The following COLEC12 variants were observed in gnomAD, a reference collection of about 807,000 sequenced individuals.
COLEC12 encodes the protein collectin-12.
COLEC12 carries 33 observed loss-of-function variants against 71.1 expected under a neutral mutation model. The observed-to-expected ratio is 0.46, with a 90% CI of 0.35 to 0.62. COLEC12 has a LOEUF of 0.62. Among genes scored for constraint, COLEC12 ranks in the 20% least tolerant of loss-of-function variants. COLEC12 has a pLI of 0.00. For synonymous variants in COLEC12, 350 were observed against 353.0 expected, an observed-to-expected ratio of 0.99 and a Z score of 0.10; for missense variants, 765 against 916.1, an observed-to-expected ratio of 0.84 and a Z score of 2.13.
intron 2 of COLEC12, among the ~76,000 whole-genome samples, chr18:407,002 G>T (rs1269545494): frequency 6.6e-6 from 1 of 152,234 alleles, no homozygotes. Flanking sequence ...CTGTTAGCAA[G>T]GTCCTGTGTT....
chr18:337,575 G>A (rs933601631), intron 5 of COLEC12, among the ~76,000 whole-genome samples: 1 of 152,202 alleles, frequency 6.6e-6, no homozygotes, highest in African/African-American at 2.4e-5. Flanking sequence ...ATTCTTTCTA[G>A]TGTTATCTGC....
chr18:349,812 GAACTT>G (rs1914469017), intron 3 of COLEC12, among the ~76,000 whole-genome samples: 2 of 152,210 alleles, frequency 1.3e-5, no homozygotes, highest in African/African-American at 4.8e-5. Flanking sequence ...TGCTGACTTT[GAACTT>G]GCATGGGGCC....
At chr18:384,038 C>A (rs1257141125) in intron 2 of COLEC12, among the ~76,000 whole-genome samples, 2 of 152,218 alleles carry the variant, frequency 1.3e-5, no homozygotes, top group Non-Finnish European at 2.9e-5. Context: ...TTATCTCCCA[C>A]TGGGTCCCTC....
Position 357,520 on chromosome 18 carries a change from T to C in COLEC12, c.61A>G (p.Ile21Val). The change falls in exon 3 of 10, where the codon ATT becomes GTT. Residue 21 changes from isoleucine to valine, a missense_variant and splice_region_variant. Ile to Val is a conservative substitution (Grantham distance 29). Transcript: ENST00000400256. ...VQSFGYKRFG[I>V]QEGTQCTKCK... ...TTGGTACATTGTGTTCCTTCCTGAATACCTGTAAGAGAAGTCAAATTTTAA... is the reference window on the plus strand; with the variant it reads ...TTGGTACATTGTGTTCCTTCCTGAACACCTGTAAGAGAAGTCAAATTTTAA... The C allele has an allele frequency of 1.3e-6, 2 of 1,547,204 alleles. No individual in the cohort carries two copies. Among genetic ancestry groups the C allele is most frequent in the Non-Finnish European group, 1.7e-6 (2 of 1,144,322 alleles).
chr18:331,328 A>G (rs1048297302), intron 8 of COLEC12, among the ~76,000 whole-genome samples: 1 of 152,236 alleles, frequency 6.6e-6, no homozygotes, highest in Non-Finnish European at 1.5e-5. Flanking sequence ...AACATGCCTG[A>G]GGTTGCCTGG....
At chr18:439,893 A>G (rs1916480498) in intron 2 of COLEC12, among the ~76,000 whole-genome samples, 1 of 152,326 alleles carries the variant, frequency 6.6e-6, no homozygotes, top group East Asian at 1.9e-4. Flanking sequence ...CTGCACTCCC[A>G]TGTTCATTGC....
At chr18:462,778 T>C (rs1917008241) in intron 2 of COLEC12, among the ~76,000 whole-genome samples, 1 of 152,218 alleles carries the variant, frequency 6.6e-6, no homozygotes, top group Admixed American at 6.5e-5. Flanking sequence ...AGGCTTGCCA[T>C]TTTATCATGA....
intron 2 of COLEC12, among the ~76,000 whole-genome samples, chr18:396,416 G>A (rs957946303): frequency 3.3e-5 from 5 of 152,220 alleles, no homozygotes; most frequent in Non-Finnish European, 7.4e-5. Context: ...TAACAACACC[G>A]AATCTACTAG....
intron 2 of COLEC12, among the ~76,000 whole-genome samples, chr18:378,433 T>C (rs1915160180): frequency 6.6e-6 from 1 of 152,248 alleles, no homozygotes; most frequent in Non-Finnish European, 1.5e-5. Flanking sequence ...ACATGGAGAC[T>C]ATTCTTCCAT....
chr18:332,864 A>G (rs1453495506), intron 7 of COLEC12, 143 bp downstream of exon 7: 4 of 690,322 alleles, frequency 5.8e-6, no homozygotes, highest in Non-Finnish European at 9.5e-6. Flanking sequence ...ACTGGATGAA[A>G]CCCAAATCTC....
At position 331,717 on chromosome 18, in the gene COLEC12, C is replaced by G; in HGVS notation, c.2014G>C (p.Glu672Gln). Residue 672 changes from glutamate to glutamine, a missense_variant, in exon 8 of 10, where the codon GAG becomes CAG. Transcript: ENST00000400256. ...ESHWIGLTDS[E>Q]RENEWKWLDG... ...AGCCACTTCCATTCATTTTCACGCT[C>G]TGAGTCTGTGAGGCCGATCCAGTGG... is the stretch of plus-strand genomic sequence containing the variant. 1 of 1,614,094 alleles carries G rather than the reference C, an allele frequency of 6.2e-7. No homozygotes were observed. The highest frequency in any genetic ancestry group is 8.5e-7 in the Non-Finnish European group (1 of 1,179,946).
At chr18:376,406 C>T (rs1915114522) in intron 2 of COLEC12, among the ~76,000 whole-genome samples, 1 of 152,206 alleles carries the variant, frequency 6.6e-6, no homozygotes, top group South Asian at 2.1e-4. Flanking sequence ...TCCACCATAA[C>T]AGGAAAAGAG....
intron 2 of COLEC12, among the ~76,000 whole-genome samples, chr18:368,676 A>G (rs921850473): frequency 1.1e-4 from 16 of 151,822 alleles, no homozygotes; most frequent in South Asian, 2.1e-4. Context: ...CAGCCTGGCT[A>G]ACATGGTGAA....
chr18:447,303 G>A (rs1960074341), intron 2 of COLEC12, among the ~76,000 whole-genome samples: 1 of 152,200 alleles, frequency 6.6e-6, no homozygotes, highest in Non-Finnish European at 1.5e-5. Context: ...TCCCGCATGG[G>A]AAGAGATCTT....
At chr18:379,104 G>T (rs1915176553) in intron 2 of COLEC12, among the ~76,000 whole-genome samples, 1 of 151,696 alleles carries the variant, frequency 6.6e-6, no homozygotes, top group South Asian at 2.1e-4. Flanking sequence ...CCTTTTATTA[G>T]GAAAAGAAGG....
intron 2 of COLEC12, among the ~76,000 whole-genome samples, chr18:370,197 C>G (rs1914970225): frequency 6.6e-6 from 1 of 152,156 alleles, no homozygotes; most frequent in Non-Finnish European, 1.5e-5. Context: ...AGCAGAGAAT[C>G]AGAAAATGTG....
chr18:360,178 CTTT>C (rs778619867), intron 2 of COLEC12, among the ~76,000 whole-genome samples: 1 of 141,610 alleles, frequency 7.1e-6, no homozygotes. Flanking sequence ...ATTTGGATTT[CTTT>C]TTTTTTTTTT....
Position 389,795 on chromosome 18 carries a change from G to C in COLEC12, c.59-32273C>G, listed in dbSNP as rs1273254707. On this transcript the variant is annotated intron_variant, in intron 2 of 9. Coordinates refer to ENST00000400256, the MANE Select transcript of COLEC12 (RefSeq NM_130386.3). Reference sequence around the variant, plus strand: ...TCAGGCTTACTCGGTACCACCCACAGACTCAAGCCTGCAGAACTCAGAAGA... The same window carrying C: ...TCAGGCTTACTCGGTACCACCCACACACTCAAGCCTGCAGAACTCAGAAGA... Among the ~76,000 whole-genome samples, 5 of 152,144 alleles carry C rather than the reference G, an allele frequency of 3.3e-5. No individual in the cohort carries two copies. The East Asian group carries it at 7.7e-4, about 23-fold the overall frequency.
At chr18:373,284 T>C (rs764957012) in intron 2 of COLEC12, among the ~76,000 whole-genome samples, 21 of 152,222 alleles carry the variant, frequency 1.4e-4, no homozygotes, top group Non-Finnish European at 2.5e-4. Flanking sequence ...TTATCCTTTT[T>C]TCCTCCACAG....
Sources: allele counts gnomAD v4.1 joint callset (sites outside exome capture counted in the v4.1 genomes callset), GRCh38; gene constraint gnomAD v4.1.1; transcripts MANE v1.5; gene names NCBI Gene and HGNC (gene_info 2026-07-23, HGNC 2026-07-21).